NCOR2: variants seen among roughly 807,000 people sequenced by gnomAD.
NCOR2 encodes CTG repeat protein 26.
NCOR2 carries 81 observed loss-of-function variants against 262.9 expected under a neutral mutation model. The observed-to-expected ratio is 0.31, with a 90% CI of 0.26 to 0.37. The LOEUF is 0.37. Among genes scored for constraint, NCOR2 ranks in the 10% least tolerant of loss-of-function variants. NCOR2 has a pLI of 1.00. For synonymous variants in NCOR2, 1,659 were observed against 1,559.3 expected (o/e 1.06, Z -1.51); for missense variants, 3,385 against 3,621.4 (o/e 0.93, Z 1.68).
intron 13 of NCOR2, among the ~76,000 whole-genome samples, 171 bp downstream of exon 15, chr12:124,419,786 C>T (rs1235251655): frequency 6.6e-6 from 1 of 152,250 alleles, no homozygotes; most frequent in Non-Finnish European, 1.5e-5. Context: ...GGGGTCTCCC[C>T]ACATCTGCTG....
At chr12:124,515,326 C>CCACTG (rs2049666372) in intron 1 of NCOR2, among the ~76,000 whole-genome samples, 1 of 151,802 alleles carries the variant, frequency 6.6e-6, no homozygotes, top group Admixed American at 6.6e-5. Context: ...TGAGATCGTG[C>CCACTG]CACTGCACTG....
chr12:124,427,001 C>A (rs2043588465), intron 10 of NCOR2, among the ~76,000 whole-genome samples: 1 of 152,196 alleles, frequency 6.6e-6, no homozygotes, highest in Non-Finnish European at 1.5e-5. Flanking sequence ...GCCTCCCCGA[C>A]AGGTTTATGG....
intron 1 of NCOR2, among the ~76,000 whole-genome samples, chr12:124,505,234 C>T (rs1024932981): frequency 1.3e-5 from 2 of 152,216 alleles, no homozygotes; most frequent in Non-Finnish European, 2.9e-5. Context: ...TCTCCTGAGC[C>T]TTCAGCTCCT....
chr12:124,550,022 G>C (rs1004485961), intron 1 of NCOR2, among the ~76,000 whole-genome samples: 5 of 152,220 alleles, frequency 3.3e-5, no homozygotes, highest in African/African-American at 1.2e-4. Flanking sequence ...GGTCTGGCGG[G>C]AGTGACTGTG....
At chr12:124,373,869 C>A (rs2939984) in intron 19 of NCOR2, among the ~76,000 whole-genome samples, 33,006 of 88,410 alleles carry the variant, frequency 0.37, 5,325 homozygotes, top group East Asian at 0.68. Context: ...TGCGCAGGGG[C>A]CCCGGGCACG....
At chr12:124,560,732 C>A (rs10846686) in intron 1 of NCOR2, among the ~76,000 whole-genome samples, 12 of 152,082 alleles carry the variant, frequency 7.9e-5, no homozygotes, top group Non-Finnish European at 1.3e-4. Flanking sequence ...GTGACTGCCT[C>A]GGGGAACAGA....
intron 1 of NCOR2, 58 bp from the exon 4 acceptor site, chr12:124,486,626 G>T (rs992373936): frequency 1.3e-6 from 2 of 1,518,744 alleles, no homozygotes; most frequent in South Asian, 2.4e-5. Flanking sequence ...GGCGGGGCAC[G>T]GCAGGGCACA....
intron 1 of NCOR2, among the ~76,000 whole-genome samples, chr12:124,519,427 T>C: frequency 6.6e-6 from 1 of 152,108 alleles, no homozygotes; most frequent in Middle Eastern, 3.2e-3. Context: ...GCCCACATGA[T>C]GACAAGGGTC....
In NCOR2 at chr12:124,517,313, T is replaced by A. The variant is rs1434494416; in HGVS notation, c.-118+18252A>T. ...AGGAGCCATTCCCGCCACCTCCCTA[T>A]GGCCGCGGCGCACCCAGACCTCAGG... is the stretch of plus-strand genomic sequence containing the variant. On this transcript the variant is annotated intron_variant, in intron 1 of 46. Transcript: ENST00000404621. This position sits in a 1 kb window ranked among gnomAD's most constrained non-coding sequence, Gnocchi z 7.6. Among the ~76,000 whole-genome samples, 1 of 152,132 alleles carries A rather than the reference T, an allele frequency of 6.6e-6. No individual in the cohort carries two copies. Among genetic ancestry groups the A allele is most frequent in the African/African-American group, 2.4e-5 (1 of 41,428 alleles).
chr12:124,334,343 T>G, intron 41 of NCOR2, 81 bp downstream of exon 43: 1 of 1,098,018 alleles, frequency 9.1e-7, no homozygotes, highest in Non-Finnish European at 1.3e-6. Flanking sequence ...GCAGCTGAGC[T>G]CAGACCCAGC....
chr12:124,524,938 G>T (rs547004519), intron 1 of NCOR2, among the ~76,000 whole-genome samples: 1 of 152,314 alleles, frequency 6.6e-6, no homozygotes, highest in South Asian at 2.1e-4. Flanking sequence ...TCCCAGTGAC[G>T]TACATGAGTC....
At chr12:124,538,017 C>T (rs1480614827), upstream of NCOR2, 4 of 152,240 alleles carry the variant, frequency 2.6e-5, no homozygotes, top group Non-Finnish European at 5.9e-5. Flanking sequence ...TGGCCAGCCA[C>T]CTGCAGCACG....
In NCOR2 at chr12:124,432,967, A is replaced by G. The variant is rs962078733; in HGVS notation, c.883-2180T>C. On this transcript the variant is annotated intron_variant, in intron 8 of 46. Transcript: ENST00000405201. The surrounding 1 kb of genome is among the most constrained non-coding windows in gnomAD (Gnocchi z 5.1). ...GGGTGGACAGACGGTGTGATCTGGG[A>G]GCCTCCACAAACACCCACTTGGTGC... 1.3e-5 allele frequency among the ~76,000 whole-genome samples: 2 copies of G among 152,126 alleles called. No individual in the cohort carries two copies. Among genetic ancestry groups the G allele is most frequent in the African/African-American group, 4.8e-5 (2 of 41,422 alleles).
intron 16 of NCOR2, among the ~76,000 whole-genome samples, chr12:124,393,936 G>C (rs2041488059): frequency 6.6e-6 from 1 of 152,268 alleles, no homozygotes; most frequent in Non-Finnish European, 1.5e-5. Context: ...CCCTTCCTCG[G>C]GGTAGCCCTC....
chr12:124,358,576 C>T (rs554820105), intron 22 of NCOR2, among the ~76,000 whole-genome samples: 92 of 152,324 alleles, frequency 6.0e-4, no homozygotes, highest in Admixed American at 1.6e-3. Context: ...CGGTTAAGCT[C>T]ACACAGAGAC....
At chr12:124,557,752 G>A (rs552051359) in intron 1 of NCOR2, among the ~76,000 whole-genome samples, 5 of 152,080 alleles carry the variant, frequency 3.3e-5, no homozygotes, top group Admixed American at 6.5e-5. Context: ...GTTAAAGCAG[G>A]TGTCTCCCAA....
rs573816450 is a variant in NCOR2 at position 124,431,912 on chromosome 12, ACAGC to A, written c.883-1129_883-1126del. 2.0e-3 allele frequency among the ~76,000 whole-genome samples: 311 copies of A among 152,016 alleles called. 3 individuals are homozygous for A. Among genetic ancestry groups the A allele is most frequent in the African/African-American group, 5.4e-3 (222 of 41,444 alleles). ...ATATATACACAGGCACATAAGTCACACAGCCAGCCAGCCAGACACACAGATGGTC... is the reference window on the plus strand; with the variant it reads ...ATATATACACAGGCACATAAGTCACACAGCCAGCCAGACACACAGATGGTC... On this transcript the variant is annotated intron_variant, in intron 8 of 46. Transcript: ENST00000405201.
At chr12:124,330,321 G>A (rs2035071860) in intron 44 of NCOR2, among the ~76,000 whole-genome samples, 1 of 152,232 alleles carries the variant, frequency 6.6e-6, no homozygotes, top group Admixed American at 6.5e-5. Context: ...AAGTCCAAAA[G>A]ATCATAGAAG....
At chr12:124,501,426 G>C (rs183863421) in intron 1 of NCOR2, among the ~76,000 whole-genome samples, 55 of 152,160 alleles carry the variant, frequency 3.6e-4, no homozygotes, top group African/African-American at 1.3e-3. Flanking sequence ...GAAATGGATT[G>C]TCTCACTGTT....
Sources: allele counts gnomAD v4.1 joint callset (sites outside exome capture counted in the v4.1 genomes callset), GRCh38; gene constraint gnomAD v4.1.1; non-coding constraint Gnocchi (gnomAD v3.1); transcripts MANE v1.5; gene names NCBI Gene and HGNC (gene_info 2026-07-23, HGNC 2026-07-21).